THADA: variants seen among roughly 807,000 people sequenced by gnomAD.
THADA encodes THADA armadillo repeat containing, also known as tRNA (32-2'-O)-methyltransferase regulator THADA.
THADA carries 213 observed loss-of-function variants against 219.8 expected under a neutral mutation model. That is an observed-to-expected ratio of 0.97 (90% CI 0.87 to 1.09). THADA has a LOEUF of 1.09. Ranked by LOEUF, THADA falls within the 50% of genes least tolerant of loss-of-function variation. The pLI is 0.00. For missense variants in THADA, 2,956 were observed against 2,311.3 expected (o/e 1.28, Z -5.72); for synonymous variants, 1,018 against 828.9 (o/e 1.23, Z -3.92).
At chr2:43,240,994 C>G (rs1668560130) in intron 36 of THADA, among the ~76,000 whole-genome samples, 1 of 152,204 alleles carries the variant, frequency 6.6e-6, no homozygotes, top group African/African-American at 2.4e-5. Flanking sequence ...GTGCCCTTGT[C>G]CACAGCCATC....
chr2:43,444,787 C>T lies in THADA; in HGVS notation c.3837-14485G>A, dbSNP rs79028485. ...TTATACACACATCCCATATCATTCT[C>T]GATCATCTCAGGAATAGGGATCAAC... On this transcript the variant is annotated intron_variant, in intron 26 of 37. Coordinates refer to ENST00000405975, the MANE Select transcript of THADA (RefSeq NM_022065.5). Among the ~76,000 whole-genome samples, 1,415 of 152,142 alleles carry T rather than the reference C, an allele frequency of 9.3e-3. 9 individuals carry two copies. Among genetic ancestry groups the T allele is most frequent in the Non-Finnish European group, 0.017 (1,129 of 68,006 alleles).
At chr2:43,295,235 C>T (rs1217176602) in intron 31 of THADA, among the ~76,000 whole-genome samples, 1 of 152,246 alleles carries the variant, frequency 6.6e-6, no homozygotes, top group African/African-American at 2.4e-5. Context: ...AAGTAGTTGG[C>T]AAACTTCAAT....
At chr2:43,585,957 TTGGGTCTAATATTAA>T in intron 7 of THADA, among the ~76,000 whole-genome samples, 1 of 152,132 alleles carries the variant, frequency 6.6e-6, no homozygotes, top group African/African-American at 2.4e-5. Flanking sequence ...TTTTAAATAA[TTGGGTCTAATATTAA>T]TGGAGAAAGG....
chr2:43,372,734 G>C (rs1670948739), intron 29 of THADA, among the ~76,000 whole-genome samples: 1 of 152,178 alleles, frequency 6.6e-6, no homozygotes, highest in African/African-American at 2.4e-5. Context: ...GACAAGTGTA[G>C]AGCATTAGTC....
rs781420465 is a variant in THADA, at chr2:43,293,049, C to T, written c.4603G>A (p.Gly1535Arg). ...AAVWAAAAKS[G>R]ERETNVPISF... Reference sequence around the variant, plus strand: ...ATGGGGACATTCGTCTCCCGCTCTCCACTCTTGGCTGCCGCGGCCCACACT... The same window carrying T: ...ATGGGGACATTCGTCTCCCGCTCTCTACTCTTGGCTGCCGCGGCCCACACT... The change falls in exon 32 of 38, where the codon GGA (glycine) becomes AGA (arginine). Residue 1535 changes from glycine to arginine, a missense_variant. By Grantham distance (125) the Gly-to-Arg change is moderately radical. Coordinates refer to ENST00000405975, the MANE Select transcript of THADA (RefSeq NM_022065.5). 3.0e-5 allele frequency: 49 copies of T among 1,613,844 alleles called. No homozygotes were observed. The East Asian group carries it at 1.0e-3, about 34-fold the overall frequency.
At chr2:43,334,181 A>G (rs1666117842) in intron 30 of THADA, among the ~76,000 whole-genome samples, 1 of 152,136 alleles carries the variant, frequency 6.6e-6, no homozygotes, top group Non-Finnish European at 1.5e-5. Context: ...CCAGTAAGTA[A>G]GACAGAAAAA....
chr2:43,560,531 C>A, intron 15 of THADA, 146 bp from the exon 16 acceptor site: 1 of 477,074 alleles, frequency 2.1e-6, no homozygotes, highest in African/African-American at 2.0e-5. Flanking sequence ...GTAACTTTTC[C>A]ATTAATTTAT....
intron 26 of THADA, among the ~76,000 whole-genome samples, chr2:43,467,097 G>A (rs986498173): frequency 6.8e-6 from 1 of 147,808 alleles, no homozygotes; most frequent in Non-Finnish European, 1.5e-5. Flanking sequence ...CAGGAGAATG[G>A]CGTGAACCCG....
At chr2:43,392,259 G>C (rs1002684598) in intron 29 of THADA, among the ~76,000 whole-genome samples, 1 of 152,126 alleles carries the variant, frequency 6.6e-6, no homozygotes, top group Non-Finnish European at 1.5e-5. Flanking sequence ...ATTTTTAAAA[G>C]ATGGAAATAA....
At chr2:43,313,726 G>A (rs1386485443) in intron 31 of THADA, among the ~76,000 whole-genome samples, 1 of 152,214 alleles carries the variant, frequency 6.6e-6, no homozygotes, top group Non-Finnish European at 1.5e-5. Flanking sequence ...TGAAAAGGGG[G>A]TCCCTTCTCT....
chr2:43,282,565 A>T (rs1476579640), intron 35 of THADA, among the ~76,000 whole-genome samples: 1 of 152,224 alleles, frequency 6.6e-6, no homozygotes, highest in South Asian at 2.1e-4. Context: ...GAAGAGGTAC[A>T]CAAAAATATA....
intron 26 of THADA, among the ~76,000 whole-genome samples, chr2:43,449,059 T>TA (rs948131752): frequency 4.0e-5 from 6 of 151,668 alleles, no homozygotes; most frequent in African/African-American, 1.5e-4. Flanking sequence ...TTCAAAAAAC[T>TA]AAAAGAAGAC....
intron 29 of THADA, among the ~76,000 whole-genome samples, chr2:43,365,203 G>A (rs1669989898): frequency 2.0e-5 from 3 of 152,080 alleles, no homozygotes; most frequent in African/African-American, 7.2e-5. Flanking sequence ...GGGATTACAG[G>A]TGTGAGCCAC....
intron 31 of THADA, among the ~76,000 whole-genome samples, chr2:43,317,657 A>G (rs779596270): frequency 7.2e-5 from 11 of 152,188 alleles, no homozygotes; most frequent in Non-Finnish European, 1.3e-4. Flanking sequence ...TTGCCATTTT[A>G]TTTGGTATTT....
chr2:43,452,125 A>C (rs996076222), intron 26 of THADA, among the ~76,000 whole-genome samples: 7 of 152,176 alleles, frequency 4.6e-5, no homozygotes, highest in African/African-American at 1.7e-4. Flanking sequence ...AGAAAGAAAA[A>C]AGAAATTGCC....
intron 30 of THADA, among the ~76,000 whole-genome samples, chr2:43,329,150 T>C (rs1418081635): frequency 2.6e-5 from 4 of 152,322 alleles, no homozygotes; most frequent in East Asian, 1.9e-4. Flanking sequence ...AAGTTTAATA[T>C]GCTGCCAGAG....
At chr2:43,453,805 C>T (rs1348734184) in intron 26 of THADA, among the ~76,000 whole-genome samples, 2 of 152,158 alleles carry the variant, frequency 1.3e-5, no homozygotes, top group African/African-American at 4.8e-5. Context: ...ATAGCCAGAC[C>T]CAAAATCGTT....
At position 43,570,398 on chromosome 2, in the gene THADA, T is replaced by C; in HGVS notation, c.2177A>G (p.Gln726Arg). 6.2e-7 allele frequency: 1 copy of C among 1,611,874 alleles called. No individual in the cohort carries two copies. Among genetic ancestry groups the C allele is most frequent in the South Asian group, 1.1e-5 (1 of 90,372 alleles). ...LTKQHPSVSL[Q>R]QYKNFMSSIC... ...AAATATATCACCTACCTTATACTGC[T>C]GTAAAGAAACAGAAGGGTGCTGTTT... The change falls in exon 14 of 38, where the codon CAG becomes CGG. Residue 726 changes from glutamine to arginine, a missense_variant. By Grantham distance (43) the Gln-to-Arg change is conservative (BLOSUM62 1). Coordinates refer to ENST00000405975, the MANE Select transcript of THADA (RefSeq NM_022065.5).
At chr2:43,485,132 T>C (rs1417189312) in intron 26 of THADA, 102 bp downstream of exon 26, 2 of 822,828 alleles carry the variant, frequency 2.4e-6, no homozygotes, top group African/African-American at 1.7e-5. Flanking sequence ...TTTTATGCTC[T>C]AGATGAATCT....
Sources: gnomAD v4.1 joint callset for allele counts (sites outside exome capture counted in the v4.1 genomes callset) on GRCh38, gnomAD v4.1.1 for gene constraint, MANE v1.5 for transcripts, NCBI Gene and HGNC (gene_info 2026-07-23, HGNC 2026-07-21) for gene names.